The following BMPR1A variants were observed in gnomAD, a reference collection of about 807,000 sequenced individuals.
The protein encoded by BMPR1A is bone morphogenetic protein receptor type-1A.
Under a neutral mutation model 66.0 loss-of-function variants are expected in BMPR1A, and 7 were observed. That is an observed-to-expected ratio of 0.11 (90% CI 0.06 to 0.20). The LOEUF is 0.20. Among genes scored for constraint, BMPR1A ranks in the 10% least tolerant of loss-of-function variants. BMPR1A has a pLI of 1.00. For synonymous variants in BMPR1A, 200 were observed against 229.7 expected, an observed-to-expected ratio of 0.87 and a Z score of 1.17; for missense variants, 408 against 669.1, an observed-to-expected ratio of 0.61 and a Z score of 4.31.
intron 10 of BMPR1A, among the ~76,000 whole-genome samples, chr10:86,921,081 T>TGGAGATTG (rs1294422554): frequency 6.6e-6 from 1 of 152,162 alleles, no homozygotes; most frequent in African/African-American, 2.4e-5. Context: ...CTTGAACACC[T>TGGAGATTG]GACCTCAGGT....
chr10:86,788,902 C>T (rs1034585867), intron 1 of BMPR1A, among the ~76,000 whole-genome samples: 1 of 152,082 alleles, frequency 6.6e-6, no homozygotes, highest in Non-Finnish European at 1.5e-5. Flanking sequence ...CCACTGCGCC[C>T]AGTTCTGTTT....
chr10:86,878,791 G>A lies in BMPR1A; in HGVS notation c.67+2706G>A, dbSNP rs544694065. 2.0e-5 allele frequency among the ~76,000 whole-genome samples: 3 copies of A among 152,294 alleles called. No individual in the cohort carries two copies. The South Asian group carries it at 6.2e-4, about 32-fold the overall frequency. ...GAGCTACTGGAAAACAGAGAAACAG[G>A]ATTGTCACAATTGTCTTAATCTATA... On this transcript the variant is annotated intron_variant, in intron 3 of 12. Coordinates refer to ENST00000372037, the MANE Select transcript of BMPR1A (RefSeq NM_004329.3).
At chr10:86,888,431 G>A (rs909341852) in intron 3 of BMPR1A, among the ~76,000 whole-genome samples, 27 of 152,132 alleles carry the variant, frequency 1.8e-4, no homozygotes, top group African/African-American at 6.0e-4. Context: ...TTGCACCAGT[G>A]CACTCCAGCT....
chr10:86,846,464 T>A (rs1842485976), intron 2 of BMPR1A, among the ~76,000 whole-genome samples: 1 of 152,150 alleles, frequency 6.6e-6, no homozygotes, highest in Admixed American at 6.5e-5. Flanking sequence ...GATTGGCACT[T>A]TGTGTTCCCT....
At chr10:86,809,652 C>T (rs992831891) in intron 1 of BMPR1A, among the ~76,000 whole-genome samples, 1 of 130,570 alleles carries the variant, frequency 7.7e-6, no homozygotes, top group South Asian at 2.5e-4. Flanking sequence ...CTTATTCTGT[C>T]GTCTAGGCCT....
At chr10:86,832,479 A>G (rs1465349428) in intron 1 of BMPR1A, among the ~76,000 whole-genome samples, 2 of 152,086 alleles carry the variant, frequency 1.3e-5, no homozygotes, top group African/African-American at 2.4e-5. Context: ...AAAAAAAAAA[A>G]AAAGAAATCA....
chr10:86,813,287 T>G (rs2132951017), intron 1 of BMPR1A, among the ~76,000 whole-genome samples: 1 of 152,280 alleles, frequency 6.6e-6, no homozygotes, highest in African/African-American at 2.4e-5. Flanking sequence ...CTCACTACCT[T>G]ATAAAATGAG....
intron 1 of BMPR1A, among the ~76,000 whole-genome samples, chr10:86,836,136 G>A (rs1239989573): frequency 1.3e-5 from 2 of 152,202 alleles, no homozygotes; most frequent in Non-Finnish European, 2.9e-5. Flanking sequence ...ACCCCTGGTG[G>A]TTGTTGAACC....
At chr10:86,766,707 C>G (rs1402764639) in intron 1 of BMPR1A, among the ~76,000 whole-genome samples, 1 of 151,678 alleles carries the variant, frequency 6.6e-6, no homozygotes, top group Non-Finnish European at 1.5e-5. Context: ...GCTCCGCCTC[C>G]TGGGTTCATG....
chr10:86,790,182 AAAAAAAATATATATATATAT>A (rs1841586032), intron 1 of BMPR1A, among the ~76,000 whole-genome samples: 1 of 41,926 alleles, frequency 2.4e-5, no homozygotes, highest in African/African-American at 1.7e-4. Context: ...AAAAAAAAAA[AAAAAAAATATATATATATAT>A]ATATATATAT....
At chr10:86,887,369 C>T (rs563095636) in intron 3 of BMPR1A, among the ~76,000 whole-genome samples, 2 of 152,248 alleles carry the variant, frequency 1.3e-5, no homozygotes, top group Admixed American at 6.5e-5. Flanking sequence ...CTCATGAATT[C>T]AAATAGTATT....
intron 7 of BMPR1A, among the ~76,000 whole-genome samples, chr10:86,902,091 C>T (rs948164096): frequency 5.3e-5 from 8 of 152,152 alleles, no homozygotes; most frequent in African/African-American, 1.9e-4. Flanking sequence ...AACTCCTGAC[C>T]TCAAGTGATC....
chr10:86,775,795 G>A (rs964704149), intron 1 of BMPR1A, among the ~76,000 whole-genome samples: 1 of 152,024 alleles, frequency 6.6e-6, no homozygotes, highest in African/African-American at 2.4e-5. Flanking sequence ...GTTACTGTAT[G>A]TATCTTCCTA....
chr10:86,932,309 C>G (rs1327202385), downstream of BMPR1A: 1 of 152,180 alleles, frequency 6.6e-6, no homozygotes, highest in East Asian at 1.9e-4. Flanking sequence ...CACATTGATA[C>G]AATAGCAATG....
intron 1 of BMPR1A, among the ~76,000 whole-genome samples, chr10:86,819,492 G>T (rs776697479): frequency 6.6e-5 from 10 of 152,030 alleles, no homozygotes; most frequent in Non-Finnish European, 1.2e-4. Context: ...GTAGAGATGG[G>T]GTTTCATCAT....
intron 1 of BMPR1A, among the ~76,000 whole-genome samples, chr10:86,825,664 A>G (rs1250070050): frequency 6.6e-6 from 1 of 152,050 alleles, no homozygotes; most frequent in Admixed American, 6.6e-5. Flanking sequence ...TTTTGTGGAA[A>G]TATGGTCTTG....
At chr10:86,797,265 C>T (rs1328713215) in intron 1 of BMPR1A, among the ~76,000 whole-genome samples, 10 of 123,846 alleles carry the variant, frequency 8.1e-5, no homozygotes, top group South Asian at 2.9e-4. Flanking sequence ...GAGTCTTGCT[C>T]TGTTGTCTGG....
At chr10:86,882,684 A>G (rs1247023060) in intron 3 of BMPR1A, among the ~76,000 whole-genome samples, 1 of 151,536 alleles carries the variant, frequency 6.6e-6, no homozygotes. Flanking sequence ...AAAAGACCCA[A>G]CACGGTGGCT....
At position 86,921,309 on chromosome 10, in the gene BMPR1A, A is replaced by G. The variant is rs1843660597; in HGVS notation, c.1167-211A>G. 3.3e-5 allele frequency among the ~76,000 whole-genome samples: 5 copies of G among 152,174 alleles called. No homozygotes were observed. The South Asian group carries it at 1.0e-3, about 32-fold the overall frequency. On this transcript the variant is annotated intron_variant, in intron 10 of 12. Coordinates refer to ENST00000372037, the MANE Select transcript of BMPR1A (RefSeq NM_004329.3). Reference sequence around the variant, plus strand: ...TTTTGCTGTAGACACAGTACTGAGTACTGAGTTGGATTAAGAGTGCTGCCC... The same window carrying G: ...TTTTGCTGTAGACACAGTACTGAGTGCTGAGTTGGATTAAGAGTGCTGCCC...
Sources: gnomAD v4.1 joint callset for allele counts (sites outside exome capture counted in the v4.1 genomes callset) on GRCh38, gnomAD v4.1.1 for gene constraint, MANE v1.5 for transcripts, NCBI Gene and HGNC (gene_info 2026-07-23, HGNC 2026-07-21) for gene names.